Variants in FANCA observed in about 807,000 individuals in gnomAD.
FANCA encodes the protein Fanconi anemia group A protein.
Under a neutral mutation model 194.3 loss-of-function variants are expected in FANCA, and 236 were observed. The ratio of observed to expected loss-of-function variants is 1.21; its 90% confidence interval spans 1.09 to 1.35. The LOEUF (loss-of-function observed/expected upper bound fraction) is 1.35, where lower values mean the gene tolerates loss of function less well. Among genes scored for constraint, FANCA ranks in the 40% most tolerant of loss-of-function variants. The probability of loss-of-function intolerance (pLI) is 0.00; values close to 1 mark genes in which losing one functional copy is unlikely to be tolerated. For missense variants in FANCA, 2,628 were observed against 1,813.9 expected (o/e 1.45, Z -8.15); for synonymous variants, 1,014 against 715.8 (o/e 1.42, Z -6.65).
chr16:89,802,392 G>A (rs1304470001), intron 8 of FANCA, among the ~76,000 whole-genome samples: 2 of 150,798 alleles, frequency 1.3e-5, no homozygotes, highest in African/African-American at 4.9e-5. Flanking sequence ...ATGAGCCATT[G>A]AGCCCAACCT....
chr16:89,807,148 G>A (rs901582849), intron 6 of FANCA, among the ~76,000 whole-genome samples: 1 of 151,464 alleles, frequency 6.6e-6, no homozygotes. Flanking sequence ...TTTTGGTGCT[G>A]AGATAAGATG....
Position 89,810,698 on chromosome 16 carries a change from C to G in FANCA, c.522+9G>C, listed in dbSNP as rs113051956. The stretch of plus-strand genomic sequence containing the variant: ...CACTGGAGAGTCAGATTTGCAATCT[C>G]AAATTTACCTGTATTTTCCATAATT... On this transcript the variant is annotated intron_variant, in intron 5 of 42. Transcript: ENST00000389301. 2.7e-5 allele frequency: 43 copies of G among 1,574,642 alleles called. No individual in the cohort carries two copies. The highest frequency in any genetic ancestry group is 3.6e-4 in the Middle Eastern group (2 of 5,584).
rs1403541497 is a variant in FANCA at position 89,811,029 on chromosome 16, A to G, written c.326T>C (p.Val109Ala). 6.2e-7 allele frequency: 1 copy of G among 1,614,030 alleles called. No homozygotes were observed. ...AACCATCCCGGCTGAGAGAATACCC[A>G]CGGGAACCCCCAGCCTTGAGGCTTG... ...QDQASRLGVP[V>A]GILSAGMVAS... Residue 109 changes from valine to alanine, a missense_variant, in exon 4 of 43, where the codon GTG becomes GCG. Transcript: ENST00000389301.
In FANCA at chr16:89,773,354, T is replaced by G. The variant is rs924548467; in HGVS notation, c.1931A>C (p.Asn644Thr). 3.2e-6 allele frequency: 5 copies of G among 1,551,488 alleles called. No homozygotes were observed. Among genetic ancestry groups the G allele is most frequent in the South Asian group, 1.2e-5 (1 of 84,052 alleles). Residue 644 changes from asparagine (N) to threonine (T), a missense_variant, in exon 22 of 43, where the codon AAC becomes ACC. Asn to Thr is a moderately conservative substitution (Grantham distance 65). Coordinates refer to ENST00000389301, the MANE Select transcript of FANCA (RefSeq NM_000135.4). ...CTGTCCCAGGGGCTCCTCAGCAGAG[T>G]TGGGTTCTGCCCTCACTCCCAGGGC... ...DAALGVRAEP[N>T]SAEEPLGQLT...
At chr16:89,773,960 G>A (rs566773469) in intron 21 of FANCA, among the ~76,000 whole-genome samples, 14 of 151,986 alleles carry the variant, frequency 9.2e-5, no homozygotes, top group African/African-American at 2.9e-4. Context: ...TAGTAGAGAC[G>A]GGATTTCACC....
Position 89,774,673 on chromosome 16 carries a change from C to T in FANCA, c.1900+1069G>A, listed in dbSNP as rs941184147. 7.5e-5 allele frequency among the ~76,000 whole-genome samples: 10 copies of T among 134,090 alleles called. No homozygotes were observed. In the South Asian group the frequency reaches 1.9e-3, roughly 26 times the overall value. The allele number at this position is 134,090 out of a possible 152,430, so 88.0% of individuals were successfully genotyped here. Reference sequence around the variant, plus strand: ...TGAACCTGGGAGGCGGAGCTTACAGCGAGCTGAGATTGCGCCACTGCACTC... The same window carrying T: ...TGAACCTGGGAGGCGGAGCTTACAGTGAGCTGAGATTGCGCCACTGCACTC... On this transcript the variant is annotated intron_variant, in intron 21 of 42. Coordinates refer to ENST00000389301, the MANE Select transcript of FANCA (RefSeq NM_000135.4).
intron 14 of FANCA, among the ~76,000 whole-genome samples, chr16:89,786,007 T>C (rs1002324358): frequency 3.0e-5 from 4 of 134,676 alleles, no homozygotes; most frequent in Admixed American, 7.8e-5. Context: ...TTGCTACCAC[T>C]CCCAGCTATT....
In FANCA at chr16:89,795,926, G is replaced by A. The variant is rs757617469; in HGVS notation, c.986C>T (p.Thr329Ile). The A allele has an allele frequency of 6.2e-7, 1 of 1,613,814 alleles. No individual in the cohort carries two copies. Among genetic ancestry groups the A allele is most frequent in the Non-Finnish European group, 8.5e-7 (1 of 1,179,672 alleles). The change falls in exon 11 of 43, where the codon ACT (threonine) becomes ATT (isoleucine). Residue 329 changes from threonine (T) to isoleucine (I), a missense_variant. Coordinates refer to ENST00000389301, the MANE Select transcript of FANCA (RefSeq NM_000135.4). ...FFSHTLTQILTHSPVLKASDA... is the reference protein window; with the variant it reads ...FFSHTLTQILIHSPVLKASDA... ...CCTACCTTTCAGCACAGGGCTGTGAGTGAGTATCTGAGTCAGGGTATGACT... is the reference window on the plus strand; with the variant it reads ...CCTACCTTTCAGCACAGGGCTGTGAATGAGTATCTGAGTCAGGGTATGACT...
At position 89,782,815 on chromosome 16, in the gene FANCA, T is replaced by C. The variant is rs372345083; in HGVS notation, c.1626+44A>G. 1.0e-4 allele frequency: 158 copies of C among 1,539,616 alleles called. 1 individual carries two copies. Among genetic ancestry groups the C allele is most frequent in the Non-Finnish European group, 1.4e-4 (153 of 1,112,624 alleles). ...CAAAAGAAACTGGACCTTTGCATGG[T>C]GGGCGTGACTGGCTGAGACCCTGCA... On this transcript the variant is annotated intron_variant, in intron 17 of 42. Coordinates refer to ENST00000389301, the MANE Select transcript of FANCA (RefSeq NM_000135.4).
In FANCA at chr16:89,778,796, C is replaced by T. The variant is rs1187284295; in HGVS notation, c.1826+5G>A. On this transcript the variant is annotated splice_donor_5th_base_variant and intron_variant, in intron 20 of 42. Coordinates refer to ENST00000389301, the MANE Select transcript of FANCA (RefSeq NM_000135.4). ...AGTCATCCCCTTCTAACCGTTGCTG[C>T]ATACCTCTTCAGAGACTCTATAAAC... 1.2e-6 allele frequency: 2 copies of T among 1,613,898 alleles called. No individual in the cohort carries two copies. Among genetic ancestry groups the T allele is most frequent in the Admixed American group, 3.3e-5 (2 of 59,996 alleles).
intron 31 of FANCA, 106 bp from the exon 32 acceptor site, chr16:89,750,008 G>T: frequency 8.5e-7 from 1 of 1,171,184 alleles, no homozygotes; most frequent in Non-Finnish European, 1.3e-6. Context: ...CAGTGGACAG[G>T]GCAAGAAGGA....
At chr16:89,759,318 T>TTACAAAAAAAA (rs1224981781) in intron 29 of FANCA, among the ~76,000 whole-genome samples, 1 of 75,180 alleles carries the variant, frequency 1.3e-5, no homozygotes, top group Non-Finnish European at 2.6e-5. Flanking sequence ...AGACTCCGTC[T>TTACAAAAAAAA]AAAAAAAAAA....
In FANCA at chr16:89,742,811, C is replaced by T. The variant is rs766875357; in HGVS notation, c.3754G>A (p.Glu1252Lys). Reference protein sequence around the residue: ...IRKQLKKLDCEREELLVFLFF... With the variant: ...IRKQLKKLDCKREELLVFLFF... ...ATTTCCTATCTTGCCTCCTCTCTCT[C>T]GCAGTCCAGCTTCTTTAGCTGCTTC... is the stretch of plus-strand genomic sequence containing the variant. Residue 1252 changes from glutamate to lysine, a missense_variant, in exon 37 of 43, where the codon GAG becomes AAG. Transcript: ENST00000389301. 7 of 1,614,144 alleles carry T rather than the reference C, an allele frequency of 4.3e-6. No homozygotes were observed. Among genetic ancestry groups the T allele is most frequent in the Admixed American group, 1.7e-5 (1 of 60,026 alleles).
rs756241886 is a variant in FANCA, at chr16:89,758,636, G to T, written c.2922C>A (p.Asp974Glu). ...LPESSASGGC[D>E]GDLQAACTIL... The stretch of plus-strand genomic sequence containing the variant: ...TGGTACACGCAGCCTGCAGGTCTCC[G>T]TCACAGCCCCCTGAAGCCGAGGACT... The change falls in exon 30 of 43, where the codon GAC (aspartate) becomes GAA (glutamate). Residue 974 changes from aspartate to glutamate, a missense_variant. Asp to Glu is a conservative substitution (Grantham distance 45). Transcript: ENST00000389301. 1.2e-6 allele frequency: 2 copies of T among 1,614,032 alleles called. No homozygotes were observed. The highest frequency in any genetic ancestry group is 3.3e-5 in the Admixed American group (2 of 60,014).
intron 10 of FANCA, among the ~76,000 whole-genome samples, chr16:89,797,917 T>TAAATA: frequency 6.6e-6 from 1 of 151,882 alleles, no homozygotes; most frequent in Non-Finnish European, 1.5e-5. Context: ...AATAAATAAA[T>TAAATA]AATTGGCAAC....
intron 15 of FANCA, among the ~76,000 whole-genome samples, chr16:89,783,701 G>C (rs1466185857): frequency 6.6e-6 from 1 of 152,192 alleles, no homozygotes; most frequent in Non-Finnish European, 1.5e-5. Flanking sequence ...AGCAGGAACC[G>C]GCCCCGGCCG....
chr16:89,755,452 G>A (rs1399929985), intron 30 of FANCA, among the ~76,000 whole-genome samples: 1 of 152,046 alleles, frequency 6.6e-6, no homozygotes, highest in African/African-American at 2.4e-5. Flanking sequence ...TGATCTGCCC[G>A]CCTCAGCCTC....
At chr16:89,814,673 T>G in intron 2 of FANCA, 60 bp from the exon 3 acceptor site, 1 of 1,235,770 alleles carries the variant, frequency 8.1e-7, no homozygotes, top group Non-Finnish European at 1.2e-6. Flanking sequence ...CCAGGCGTAG[T>G]GGCTCACGCC....
At chr16:89,762,951 A>G (rs970151190) in intron 28 of FANCA, among the ~76,000 whole-genome samples, 2 of 134,176 alleles carry the variant, frequency 1.5e-5, no homozygotes, top group Admixed American at 1.4e-4. Context: ...AAATACGAAA[A>G]AAAAAAAAAA....
Sources: allele counts gnomAD v4.1 joint callset (sites outside exome capture counted in the v4.1 genomes callset), GRCh38; gene constraint gnomAD v4.1.1; transcripts MANE v1.5; gene names NCBI Gene and HGNC (gene_info 2026-07-23, HGNC 2026-07-21).